The following IKBKB variants were observed in gnomAD, a reference collection of about 807,000 sequenced individuals.
The protein encoded by IKBKB is inhibitor of nuclear factor kappa-B kinase subunit beta.
A neutral mutation model predicts 113.6 loss-of-function variants in IKBKB; 42 were observed. The observed-to-expected ratio is 0.37, with a 90% CI of 0.29 to 0.48. IKBKB has a LOEUF of 0.48. IKBKB is among the 20% of genes least tolerant of loss of function. The pLI is 0.99. For missense variants in IKBKB, 673 were observed against 939.7 expected (o/e 0.72, Z 3.71); for synonymous variants, 296 against 361.3 (o/e 0.82, Z 2.05).
chr8:42,281,156 G>A (rs1810300741), intron 2 of IKBKB, among the ~76,000 whole-genome samples: 1 of 152,126 alleles, frequency 6.6e-6, no homozygotes, highest in African/African-American at 2.4e-5. Context: ...TCTCCCGAAC[G>A]CTGGGGAAGG....
chr8:42,306,300 T>G (rs773447231), intron 6 of IKBKB, 43 bp from the exon 7 acceptor site: 2 of 1,209,236 alleles, frequency 1.7e-6, no homozygotes, highest in Non-Finnish European at 2.5e-6. Flanking sequence ...AGAAGGACAT[T>G]GTGTTCTTAT....
intron 19 of IKBKB, chr8:42,324,709 CCT>C (rs1820410534): frequency 6.5e-6 from 1 of 152,810 alleles, no homozygotes; most frequent in African/African-American, 2.4e-5. Context: ...CCCTGGCCAA[CCT>C]CAGCACTGAG....
At chr8:42,317,584 G>A in intron 11 of IKBKB, 73 bp from the exon 12 acceptor site, 2 of 993,110 alleles carry the variant, frequency 2.0e-6, no homozygotes, top group Non-Finnish European at 3.2e-6. Context: ...GAAAGCTGTG[G>A]AACTTCTTCA....
At chr8:42,328,363 C>G (rs1159436315) in intron 20 of IKBKB, among the ~76,000 whole-genome samples, 2 of 151,834 alleles carry the variant, frequency 1.3e-5, no homozygotes, top group Non-Finnish European at 1.5e-5. Context: ...AGGCACTGAG[C>G]CTTTAGGCTA....
At chr8:42,289,877 C>G (rs1484616057) in intron 3 of IKBKB, among the ~76,000 whole-genome samples, 1 of 152,214 alleles carries the variant, frequency 6.6e-6, no homozygotes, top group African/African-American at 2.4e-5. Context: ...CTTGTAGGAG[C>G]AGTTTGGCAG....
chr8:42,279,642 T>C (rs1809927572), intron 2 of IKBKB, among the ~76,000 whole-genome samples: 1 of 152,118 alleles, frequency 6.6e-6, no homozygotes, highest in Non-Finnish European at 1.5e-5. Flanking sequence ...TCTCTGTGAC[T>C]CACCCACAGA....
In IKBKB at chr8:42,318,655, G is replaced by T; in HGVS notation, c.1344G>T (p.Gln448His). The T allele has an allele frequency of 1.9e-6, 3 of 1,613,290 alleles. No homozygotes were observed. Among genetic ancestry groups the T allele is most frequent in the Non-Finnish European group, 2.5e-6 (3 of 1,179,358 alleles). The stretch of plus-strand genomic sequence containing the variant: ...TGAAGGAAGATTGCAACCGGCTGCA[G>T]CAGGGACAGCGAGCCGCCATGTAGC... ...QTLKEDCNRLQQGQRAAMMNL... is the reference protein window; with the variant it reads ...QTLKEDCNRLHQGQRAAMMNL... Residue 448 changes from glutamine to histidine, a missense_variant, in exon 13 of 22, where the codon CAG becomes CAT. Transcript: ENST00000520810.
rs1316995 is a variant in IKBKB at position 42,281,979 on chromosome 8, G to A, written c.106-6655G>A. The stretch of plus-strand genomic sequence containing the variant: ...TGGGTCTTCAGCTCGCATCTGCCAG[G>A]CACCTTTTGGTCTGAGGATGTGCTC... On this transcript the variant is annotated intron_variant, in intron 2 of 21. Coordinates refer to ENST00000520810, the MANE Select transcript of IKBKB (RefSeq NM_001556.3). Among the ~76,000 whole-genome samples the A allele has an allele frequency of 7.0e-3, 1,062 of 152,224 alleles. 5 individuals carry two copies. Among genetic ancestry groups the A allele is most frequent in the Non-Finnish European group, 0.011 (769 of 68,010 alleles).
At position 42,331,475 on chromosome 8, in the gene IKBKB, T is replaced by C. The variant is rs1365273634; in HGVS notation, c.*496T>C. 1.4e-6 allele frequency: 1 copy of C among 693,552 alleles called. No homozygotes were observed. The highest frequency in any genetic ancestry group is 2.6e-6 in the Non-Finnish European group (1 of 380,066). The allele number at this position is 693,552 out of a possible 1,614,324, so 43.0% of individuals were successfully genotyped here. On this transcript the variant is annotated 3_prime_UTR_variant, in exon 22 of 22. Coordinates refer to ENST00000520810, the MANE Select transcript of IKBKB (RefSeq NM_001556.3). Reference sequence around the variant, plus strand: ...TCTCCAAAGGCCCTGCTCCCTGTCCTCTCTCACTTTACAGCTTGTGTTTCT... The same window carrying C: ...TCTCCAAAGGCCCTGCTCCCTGTCCCCTCTCACTTTACAGCTTGTGTTTCT...
At chr8:42,281,639 G>A (rs1810389684) in intron 2 of IKBKB, among the ~76,000 whole-genome samples, 1 of 152,186 alleles carries the variant, frequency 6.6e-6, no homozygotes. Context: ...GCTGAGCCAG[G>A]GGTGAAACTG....
chr8:42,311,327 C>G (rs1344747491), intron 8 of IKBKB, among the ~76,000 whole-genome samples: 1 of 152,130 alleles, frequency 6.6e-6, no homozygotes, highest in African/African-American at 2.4e-5. Context: ...GTTTGGGAGG[C>G]CAAGATGGGC....
In IKBKB at chr8:42,316,986, T is replaced by G. The variant is rs1818806316; in HGVS notation, c.1125+82T>G. The G allele has an allele frequency of 3.8e-6, 5 of 1,320,110 alleles. No homozygotes were observed. In the Admixed American group the frequency reaches 9.6e-5, roughly 25 times the overall value. The allele number at this position is 1,320,110 out of a possible 1,614,324, so 81.8% of individuals were successfully genotyped here. ...ACTCAACACACTTTCAGATTTCAAT[T>G]CTGCTTTGTCATGTAGTCTGTTAAT... On this transcript the variant is annotated intron_variant, in intron 11 of 21. Transcript: ENST00000520810. The surrounding 1 kb of genome is among the most constrained non-coding windows in gnomAD (Gnocchi z 4.5).
intron 2 of IKBKB, among the ~76,000 whole-genome samples, chr8:42,272,767 A>C (rs1808060854): frequency 6.6e-6 from 1 of 151,642 alleles, no homozygotes; most frequent in African/African-American, 2.4e-5. Flanking sequence ...GTGAAACCCC[A>C]TCTCTACTAA....
chr8:42,328,651 C>A (rs1431498708), intron 20 of IKBKB, among the ~76,000 whole-genome samples: 1 of 152,140 alleles, frequency 6.6e-6, no homozygotes, highest in Non-Finnish European at 1.5e-5. Flanking sequence ...ACATGGGTTT[C>A]TTATTATAGA....
In IKBKB at chr8:42,316,345, T is replaced by G. The variant is rs1242776488; in HGVS notation, c.930+6T>G. The G allele has an allele frequency of 1.5e-5, 25 of 1,613,830 alleles. No individual in the cohort carries two copies. The highest frequency in any genetic ancestry group is 2.0e-5 in the Non-Finnish European group (24 of 1,179,964). ...ATGACATCTTAAACTTAAAGGTGAGTGTGGAGCCAAGTTAGCCCTGAGGCA... is the reference window on the plus strand; with the variant it reads ...ATGACATCTTAAACTTAAAGGTGAGGGTGGAGCCAAGTTAGCCCTGAGGCA... On this transcript the variant is annotated splice_donor_region_variant and intron_variant, in intron 10 of 21. Coordinates refer to ENST00000520810, the MANE Select transcript of IKBKB (RefSeq NM_001556.3). The surrounding 1 kb of genome is among the most constrained non-coding windows in gnomAD (Gnocchi z 4.5).
At position 42,317,716 on chromosome 8, in the gene IKBKB, C is replaced by T; in HGVS notation, c.1185C>T (p.Ile395=). 1.2e-6 allele frequency: 2 copies of T among 1,614,072 alleles called. No individual in the cohort carries two copies. Among genetic ancestry groups the T allele is most frequent in the Non-Finnish European group, 1.7e-6 (2 of 1,179,914 alleles). ...TTTTTCTCTTTGACAACAGTAAAATCACCTATGAGACTCAGATCTCCCCAC... is the reference window on the plus strand; with the variant it reads ...TTTTTCTCTTTGACAACAGTAAAATTACCTATGAGACTCAGATCTCCCCAC... ...DLVFLFDNSK[I]TYETQISPRP... Residue 395 remains isoleucine (I), a synonymous_variant, in exon 12 of 22, where the codon ATC becomes ATT. Coordinates refer to ENST00000520810, the MANE Select transcript of IKBKB (RefSeq NM_001556.3).
Position 42,316,160 on chromosome 8 carries a change from C to T in IKBKB, c.801-50C>T, listed in dbSNP as rs1446979445. The stretch of plus-strand genomic sequence containing the variant: ...GTATACTGGGAGACGCACACTGTAG[C>T]CCAACATTGGCTGGAAGTGTCTCCT... On this transcript the variant is annotated intron_variant, in intron 9 of 21. Transcript: ENST00000520810. The surrounding 1 kb of genome is among the most constrained non-coding windows in gnomAD (Gnocchi z 4.5). 1.2e-6 allele frequency: 2 copies of T among 1,604,768 alleles called. No individual in the cohort carries two copies. The highest frequency in any genetic ancestry group is 1.7e-6 in the Non-Finnish European group (2 of 1,174,702).
intron 8 of IKBKB, 22 bp from the exon 9 acceptor site, chr8:42,314,300 C>A: frequency 3.2e-6 from 5 of 1,552,370 alleles, no homozygotes; most frequent in Non-Finnish European, 4.4e-6. Context: ...GTGACTGCAC[C>A]TAACAAGATT....
chr8:42,273,097 A>G (rs1245802535), intron 2 of IKBKB, among the ~76,000 whole-genome samples: 1 of 151,980 alleles, frequency 6.6e-6, no homozygotes, highest in African/African-American at 2.4e-5. Flanking sequence ...ACAGAGTGAG[A>G]CCTTGTTTCA....
Sources: allele counts gnomAD v4.1 joint callset (sites outside exome capture counted in the v4.1 genomes callset), GRCh38; gene constraint gnomAD v4.1.1; non-coding constraint Gnocchi (gnomAD v3.1); transcripts MANE v1.5; gene names NCBI Gene and HGNC (gene_info 2026-07-23, HGNC 2026-07-21).